Variants in CPXM2 observed in about 807,000 individuals in gnomAD.
The protein encoded by CPXM2 is inactive carboxypeptidase-like protein X2.
Under a neutral mutation model 86.1 loss-of-function variants are expected in CPXM2, and 66 were observed. The observed-to-expected ratio is 0.77, with a 90% CI of 0.63 to 0.94. The LOEUF (loss-of-function observed/expected upper bound fraction) is 0.94. Ranked by LOEUF, CPXM2 falls within the 40% of genes least tolerant of loss-of-function variation. The pLI is 0.00. For synonymous variants in CPXM2, 388 were observed against 400.2 expected (o/e 0.97, Z 0.36); for missense variants, 948 against 1,026.3 (o/e 0.92, Z 1.04).
intron 2 of CPXM2, among the ~76,000 whole-genome samples, chr10:123,917,115 C>T (rs1034889605): frequency 6.6e-6 from 1 of 151,884 alleles, no homozygotes; most frequent in African/African-American, 2.4e-5. Flanking sequence ...AGACATTCAG[C>T]TTGAGGCAAA....
chr10:123,750,715 A>C (rs1398235363), intron 13 of CPXM2: 2 of 985,316 alleles, frequency 2.0e-6, no homozygotes, highest in Non-Finnish European at 2.4e-6. Flanking sequence ...GGTCAAAAGA[A>C]TGAATACAAC....
chr10:123,777,324 T>C (rs1173882586), intron 7 of CPXM2: 1 of 152,394 alleles, frequency 6.6e-6, no homozygotes, highest in Non-Finnish European at 1.5e-5. Context: ...CTGACAACAC[T>C]GTGCCCAAAC....
chr10:123,834,135 C>G (rs1247793659), intron 4 of CPXM2, among the ~76,000 whole-genome samples: 1 of 152,200 alleles, frequency 6.6e-6, no homozygotes, highest in Non-Finnish European at 1.5e-5. Flanking sequence ...CTTATTCACT[C>G]TGACACCGGT....
chr10:123,924,152 G>A (rs998431348), intron 2 of CPXM2, among the ~76,000 whole-genome samples: 1 of 152,174 alleles, frequency 6.6e-6, no homozygotes, highest in Non-Finnish European at 1.5e-5. Flanking sequence ...TCCATACCAA[G>A]CAGCTCACCA....
chr10:123,904,912 A>ATCTGCATCCTGTGACCTCCCCTCC (rs1184917723), intron 2 of CPXM2, among the ~76,000 whole-genome samples: 1 of 131,662 alleles, frequency 7.6e-6, no homozygotes, highest in Non-Finnish European at 1.6e-5. Flanking sequence ...GCTCTGCATC[A>ATCTGCATCCTGTGACCTCCCCTCC]CACCTGCATC....
chr10:123,779,836 CTT>C (rs1183276532), intron 7 of CPXM2, among the ~76,000 whole-genome samples: 1 of 152,032 alleles, frequency 6.6e-6, no homozygotes, highest in Non-Finnish European at 1.5e-5. Context: ...ATCCTAGATC[CTT>C]TTTCTTCTTC....
rs1229889825 is a variant in CPXM2 at position 123,881,234 on chromosome 10, T to C, written c.305-925A>G. On this transcript the variant is annotated intron_variant, in intron 1 of 13. Transcript: ENST00000241305. ...TTCCTTCTCCTGGAGCACCCTTCTC[T>C]TCCCTTCCCTTCCCTTCCCTTCCCT... Among the ~76,000 whole-genome samples, 9 of 83,602 alleles carry C rather than the reference T, an allele frequency of 1.1e-4. 1 individual carries two copies. The highest frequency in any genetic ancestry group is 1.3e-4 in the African/African-American group (2 of 15,974). 54.8% of individuals were successfully genotyped at this position (83,602 alleles called of 152,430 possible). A position where few individuals can be genotyped will look rare whatever the true frequency, so the allele number is the denominator to read the frequency against.
chr10:123,821,724 C>T (rs930745480), intron 4 of CPXM2, among the ~76,000 whole-genome samples: 8 of 152,182 alleles, frequency 5.3e-5, no homozygotes, highest in African/African-American at 1.9e-4. Flanking sequence ...CAACTGGGGA[C>T]ATCTAGTGGG....
At chr10:123,895,344 G>A (rs1170389269), upstream of CPXM2, among the ~76,000 whole-genome samples, 2 of 151,808 alleles carry the variant, frequency 1.3e-5, no homozygotes, top group Non-Finnish European at 2.9e-5. Flanking sequence ...GGCTGGTCTC[G>A]AACTTCTGAC....
rs1213134272 is a variant in CPXM2 at position 123,927,827 on chromosome 10, C to T, written n.174+11650G>A. 2.0e-5 allele frequency among the ~76,000 whole-genome samples: 3 copies of T among 152,310 alleles called. No homozygotes were observed. The East Asian group carries it at 5.8e-4, about 29-fold the overall frequency. ...CCAACATTTGTGTGGTTTTAGTTCC[C>T]ACCTACTTGTTAGCAAGATATCCAA... On this transcript the variant is annotated intron_variant and non_coding_transcript_variant, in intron 2 of 19. Transcript: ENST00000368854.
intron 2 of CPXM2, among the ~76,000 whole-genome samples, chr10:123,875,128 G>C (rs1944960114): frequency 6.6e-6 from 1 of 152,158 alleles, no homozygotes; most frequent in African/African-American, 2.4e-5. Flanking sequence ...ACCCAGTGAA[G>C]GCCCTGCCAC....
chr10:123,760,246 C>T (rs1425317225), intron 11 of CPXM2, among the ~76,000 whole-genome samples: 4 of 152,308 alleles, frequency 2.6e-5, no homozygotes, highest in Middle Eastern at 3.4e-3. Flanking sequence ...AATTTAGTCA[C>T]AGCAGCCATA....
At chr10:123,751,450 C>T (rs553795679) in intron 13 of CPXM2, 15 of 944,274 alleles carry the variant, frequency 1.6e-5, no homozygotes, top group South Asian at 1.5e-4. Flanking sequence ...AGAAGGTTTG[C>T]GTCTTTCCTT....
chr10:123,783,118 C>G (rs148903037), intron 6 of CPXM2, among the ~76,000 whole-genome samples: 336 of 152,334 alleles, frequency 2.2e-3, no homozygotes, highest in Non-Finnish European at 4.1e-3. Flanking sequence ...GGGAATTGCC[C>G]ACCTCTTTCC....
chr10:123,849,708 C>T (rs1564796839), intron 3 of CPXM2, among the ~76,000 whole-genome samples: 2 of 152,092 alleles, frequency 1.3e-5, no homozygotes, highest in South Asian at 2.1e-4. Context: ...CCACCGTGCC[C>T]GGCCTTACAT....
intron 6 of CPXM2, among the ~76,000 whole-genome samples, chr10:123,781,621 G>A (rs765260637): frequency 2.0e-5 from 3 of 152,210 alleles, no homozygotes; most frequent in Non-Finnish European, 2.9e-5. Flanking sequence ...TCTAGAGGCA[G>A]TGGGGGCAGT....
At chr10:123,837,494 G>A (rs1289996367) in intron 4 of CPXM2, among the ~76,000 whole-genome samples, 1 of 152,150 alleles carries the variant, frequency 6.6e-6, no homozygotes, top group Non-Finnish European at 1.5e-5. Flanking sequence ...ATCATTAGAA[G>A]CATCTATTCA....
chr10:123,837,456 T>C (rs964739634), intron 4 of CPXM2, among the ~76,000 whole-genome samples: 5 of 152,244 alleles, frequency 3.3e-5, no homozygotes, highest in Admixed American at 2.0e-4. Context: ...AAGATTTGGT[T>C]ACTTCAAACT....
chr10:123,922,673 A>T (rs551821660), intron 2 of CPXM2, among the ~76,000 whole-genome samples: 2 of 152,234 alleles, frequency 1.3e-5, no homozygotes, highest in Non-Finnish European at 2.9e-5. Context: ...TCCCCAAAGC[A>T]TAGGAGGCTC....
Sources: allele counts gnomAD v4.1 joint callset (sites outside exome capture counted in the v4.1 genomes callset), GRCh38; gene constraint gnomAD v4.1.1; transcripts MANE v1.5; gene names NCBI Gene and HGNC (gene_info 2026-07-23, HGNC 2026-07-21).